ENOX1: variants seen among roughly 807,000 people sequenced by gnomAD.
ENOX1 encodes the protein ecto-NOX disulfide-thiol exchanger 1.
ENOX1 carries 42 observed loss-of-function variants against 82.5 expected under a neutral mutation model. The ratio of observed to expected loss-of-function variants is 0.51; its 90% CI spans 0.40 to 0.66. The LOEUF is 0.66. Among genes scored for constraint, ENOX1 ranks in the 30% least tolerant of loss-of-function variants. The probability of loss-of-function intolerance (pLI) is 0.00; values close to 1 mark genes in which losing one functional copy is unlikely to be tolerated. For synonymous variants in ENOX1, 271 were observed against 282.2 expected (o/e 0.96, Z 0.40); for missense variants, 608 against 811.6 (o/e 0.75, Z 3.05).
At chr13:43,222,380 T>TACACACACACACACACAC (rs35476412) in intron 16 of ENOX1, among the ~76,000 whole-genome samples, 67 of 149,194 alleles carry the variant, frequency 4.5e-4, no homozygotes, top group African/African-American at 1.6e-3. Flanking sequence ...GAGATGATTT[T>TACACACACACACACACAC]ACACACACAC....
At chr13:43,678,173 G>C (rs1401983285) in intron 1 of ENOX1, among the ~76,000 whole-genome samples, 1 of 152,074 alleles carries the variant, frequency 6.6e-6, no homozygotes, top group Non-Finnish European at 1.5e-5. Context: ...GCCAACATCA[G>C]CAATTTAACA....
intron 10 of ENOX1, among the ~76,000 whole-genome samples, chr13:43,324,415 C>G (rs1566513997): frequency 6.6e-6 from 1 of 152,102 alleles, no homozygotes; most frequent in Admixed American, 6.5e-5. Context: ...CATTAAATCA[C>G]TAGTACACTC....
chr13:43,728,300 C>T (rs1345025300), intron 1 of ENOX1, among the ~76,000 whole-genome samples: 1 of 152,136 alleles, frequency 6.6e-6, no homozygotes, highest in African/African-American at 2.4e-5. Context: ...CATTCTCTTG[C>T]CTAATGTGAG....
chr13:43,604,622 T>C (rs1170660119), intron 2 of ENOX1, among the ~76,000 whole-genome samples: 12 of 152,218 alleles, frequency 7.9e-5, no homozygotes, highest in Admixed American at 7.9e-4. Flanking sequence ...ATGTGTCACA[T>C]TGATTCATTT....
At chr13:43,235,489 T>C (rs977636871) in intron 15 of ENOX1, among the ~76,000 whole-genome samples, 1 of 152,088 alleles carries the variant, frequency 6.6e-6, no homozygotes, top group Non-Finnish European at 1.5e-5. Flanking sequence ...TCCCAGCACT[T>C]TGAGAGGCCA....
At position 43,773,385 on chromosome 13, in the gene ENOX1, C is replaced by T. The variant is rs905722186; in HGVS notation, c.-285+13267G>A. Among the ~76,000 whole-genome samples, 6 of 152,256 alleles carry T rather than the reference C, an allele frequency of 3.9e-5. No individual in the cohort carries two copies. The East Asian group carries it at 1.2e-3, about 29-fold the overall frequency. On this transcript the variant is annotated intron_variant, in intron 1 of 16. Transcript: ENST00000690772. The stretch of plus-strand genomic sequence containing the variant: ...TGGCAGACAAAAGCAAAAGCAAAAA[C>T]ACTTCAGTGGCTCTCCACTGCACAT...
chr13:43,430,449 A>C (rs2055585892), intron 3 of ENOX1, among the ~76,000 whole-genome samples: 1 of 152,210 alleles, frequency 6.6e-6, no homozygotes, highest in African/African-American at 2.4e-5. Context: ...ATTTCCATTC[A>C]TAATTTCTTT....
At chr13:43,684,075 G>A (rs547209681) in intron 1 of ENOX1, among the ~76,000 whole-genome samples, 4 of 119,556 alleles carry the variant, frequency 3.3e-5, no homozygotes, top group East Asian at 2.6e-4. Context: ...CAGCCTGGGC[G>A]AAAGAGCGAG....
chr13:43,761,524 T>C (rs565329830), intron 1 of ENOX1, among the ~76,000 whole-genome samples: 5 of 152,352 alleles, frequency 3.3e-5, no homozygotes, highest in South Asian at 2.1e-4. Context: ...CATTAGCATG[T>C]TACAAATATC....
At chr13:43,280,082 C>T (rs2045291210) in intron 12 of ENOX1, among the ~76,000 whole-genome samples, 1 of 152,206 alleles carries the variant, frequency 6.6e-6, no homozygotes, top group African/African-American at 2.4e-5. Flanking sequence ...AGGTGGTCAT[C>T]ACCCATCCTC....
intron 2 of ENOX1, among the ~76,000 whole-genome samples, chr13:43,602,627 T>A (rs560254440): frequency 1.3e-5 from 2 of 152,202 alleles, no homozygotes; most frequent in African/African-American, 4.8e-5. Context: ...AATCCACAAT[T>A]TGACAATAAA....
chr13:43,534,484 G>A (rs1048793860), intron 2 of ENOX1, among the ~76,000 whole-genome samples: 4 of 152,026 alleles, frequency 2.6e-5, no homozygotes, highest in Non-Finnish European at 5.9e-5. Flanking sequence ...ACAACTGTTC[G>A]CTACCCCATC....
At chr13:43,280,465 A>G (rs2045313604) in intron 12 of ENOX1, among the ~76,000 whole-genome samples, 1 of 152,260 alleles carries the variant, frequency 6.6e-6, no homozygotes. Flanking sequence ...GGTTTAGGAA[A>G]GAAGCTTTTG....
At chr13:43,681,434 A>G (rs541271572) in intron 1 of ENOX1, among the ~76,000 whole-genome samples, 2 of 152,156 alleles carry the variant, frequency 1.3e-5, no homozygotes, top group Non-Finnish European at 2.9e-5. Flanking sequence ...CCCAAAAGCA[A>G]TATGGCTAGC....
chr13:43,703,091 T>G (rs1355163133), intron 1 of ENOX1, among the ~76,000 whole-genome samples: 14 of 152,000 alleles, frequency 9.2e-5, no homozygotes, highest in Middle Eastern at 3.4e-3. Flanking sequence ...ATCTTGATCT[T>G]GGACTTCATA....
intron 2 of ENOX1, among the ~76,000 whole-genome samples, chr13:43,490,455 T>A (rs1555298521): frequency 6.6e-6 from 1 of 152,136 alleles, no homozygotes; most frequent in Non-Finnish European, 1.5e-5. Context: ...TGAGAGGACA[T>A]AAATTTGGGA....
At position 43,496,519 on chromosome 13, in the gene ENOX1, A is replaced by T. The variant is rs2076798869; in HGVS notation, c.-218-12367T>A. Among the ~76,000 whole-genome samples, 3 of 151,908 alleles carry T rather than the reference A, an allele frequency of 2.0e-5. No individual in the cohort carries two copies. In the South Asian group the frequency reaches 6.2e-4, roughly 32 times the overall value. On this transcript the variant is annotated intron_variant, in intron 2 of 16. Transcript: ENST00000690772. ...TGCCTCAGCTTCCCAAGTAGCTGGA[A>T]CTACTGATGTGCACCACCATGCTCA...
chr13:43,656,630 A>G (rs1174925735), intron 2 of ENOX1, among the ~76,000 whole-genome samples: 1 of 152,204 alleles, frequency 6.6e-6, no homozygotes, highest in Non-Finnish European at 1.5e-5. Flanking sequence ...TTAAGGACAT[A>G]CTATAGGACT....
At chr13:43,361,506 T>C (rs2050504601) in intron 5 of ENOX1, 54 bp from the exon 6 acceptor site, 8 of 1,535,728 alleles carry the variant, frequency 5.2e-6, no homozygotes, top group South Asian at 1.2e-5. Flanking sequence ...ATTTTTGTTG[T>C]TGTTTTTGCC....
Sources: gnomAD v4.1 joint callset for allele counts (sites outside exome capture counted in the v4.1 genomes callset) on GRCh38, gnomAD v4.1.1 for gene constraint, MANE v1.5 for transcripts, NCBI Gene and HGNC (gene_info 2026-07-23, HGNC 2026-07-21) for gene names.